The following SFSWAP variants were observed in gnomAD, a reference collection of about 807,000 sequenced individuals.
SFSWAP encodes splicing factor, suppressor of white-apricot homolog.
Under a neutral mutation model 100.7 loss-of-function variants are expected in SFSWAP, and 17 were observed. The ratio of observed to expected loss-of-function variants is 0.17; its 90% CI spans 0.12 to 0.25. SFSWAP has a LOEUF of 0.25. Among genes scored for constraint, SFSWAP ranks in the 10% least tolerant of loss-of-function variants. The probability of loss-of-function intolerance (pLI) is 1.00; values close to 1 mark genes in which losing one functional copy is unlikely to be tolerated. For synonymous variants in SFSWAP, 504 were observed against 510.1 expected (o/e 0.99, Z 0.16); for missense variants, 1,005 against 1,262.6 (o/e 0.80, Z 3.09).
intron 15 of SFSWAP, among the ~76,000 whole-genome samples, chr12:131,789,782 T>C (rs1284789216): frequency 6.6e-6 from 1 of 152,188 alleles, no homozygotes; most frequent in Admixed American, 6.5e-5. Flanking sequence ...CGTGGCTGGG[T>C]TCAGGGCAAA....
Position 131,754,301 on chromosome 12 carries a change from C to G in SFSWAP, c.1323-67C>G, listed in dbSNP as rs141463991. 4.1e-4 allele frequency: 547 copies of G among 1,350,188 alleles called. 5 individuals are homozygous for G. The East Asian group carries it at 0.014, about 36-fold the overall frequency. 83.6% of individuals were successfully genotyped at this position (1,350,188 alleles called of 1,614,324 possible). Reference sequence around the variant, plus strand: ...GGGCATCTGAGGCGGTGAGGACCCCCGAGCAGCCAGGACTGAGCTTGGCGA... The same window carrying G: ...GGGCATCTGAGGCGGTGAGGACCCCGGAGCAGCCAGGACTGAGCTTGGCGA... On this transcript the variant is annotated intron_variant, in intron 8 of 17. Coordinates refer to ENST00000261674, the MANE Select transcript of SFSWAP (RefSeq NM_004592.4).
At position 131,711,104 on chromosome 12, in the gene SFSWAP, T is replaced by A; in HGVS notation, c.-126T>A. The A allele has an allele frequency of 2.7e-6, 2 of 747,294 alleles. No individual in the cohort carries two copies. Among genetic ancestry groups the A allele is most frequent in the Non-Finnish European group, 4.2e-6 (2 of 475,390 alleles). 46.3% of individuals were successfully genotyped at this position (747,294 alleles called of 1,614,324 possible). On this transcript the variant is annotated 5_prime_UTR_variant, in exon 1 of 18. Coordinates refer to ENST00000261674, the MANE Select transcript of SFSWAP (RefSeq NM_004592.4). This position sits in a 1 kb window ranked among gnomAD's most constrained non-coding sequence, Gnocchi z 4.9. ...GCCCCTCCACCATTTTGTGGCCCGC[T>A]ATGGCGGCGGTGTTGAGGTTGGGTA...
chr12:131,740,957 CTT>C (rs1354791623), intron 7 of SFSWAP, among the ~76,000 whole-genome samples: 1 of 96,072 alleles, frequency 1.0e-5, no homozygotes, highest in South Asian at 3.7e-4. Flanking sequence ...CTTTTTTTTT[CTT>C]TTTTTTCTTT....
Position 131,764,536 on chromosome 12 carries a change from G to T in SFSWAP, c.1801G>T (p.Asp601Tyr). The change falls in exon 12 of 18, where the codon GAT becomes TAT. Residue 601 changes from aspartate to tyrosine, a missense_variant. This residue lies in a region of SFSWAP where 82 missense variants were observed against 131.0 expected (regional missense o/e 0.63). Coordinates refer to ENST00000261674, the MANE Select transcript of SFSWAP (RefSeq NM_004592.4). ...CCTGGAAAAAAATCGTGTTAAGCTA[G>T]ATGATGACAGTGATGATGATGAAGA... ...LPLEKNRVKLDDDSDDDEESK... is the reference protein window; with the variant it reads ...LPLEKNRVKLYDDSDDDEESK... 1 of 1,614,200 alleles carries T rather than the reference G, an allele frequency of 6.2e-7. No homozygotes were observed. The highest frequency in any genetic ancestry group is 1.1e-5 in the South Asian group (1 of 91,086).
chr12:131,754,037 C>T (rs750028096), intron 8 of SFSWAP, among the ~76,000 whole-genome samples: 24 of 152,050 alleles, frequency 1.6e-4, no homozygotes, highest in East Asian at 3.8e-4. Context: ...CCATGCTTGC[C>T]GACTTGTTTT....
chr12:131,731,403 GGT>G (rs1879500076), intron 7 of SFSWAP, among the ~76,000 whole-genome samples: 1 of 152,164 alleles, frequency 6.6e-6, no homozygotes, highest in Non-Finnish European at 1.5e-5. Context: ...AAGTTTCGTG[GGT>G]GAAAGTCCCT....
chr12:131,761,751 A>C (rs948452074), intron 11 of SFSWAP, among the ~76,000 whole-genome samples: 1 of 152,190 alleles, frequency 6.6e-6, no homozygotes, highest in Admixed American at 6.5e-5. Flanking sequence ...TTCCACATAA[A>C]GAAGCAATTC....
Position 131,714,797 on chromosome 12 carries a change from G to T in SFSWAP, c.389-25G>T. 1 of 1,602,664 alleles carries T rather than the reference G, an allele frequency of 6.2e-7. No homozygotes were observed. The highest frequency in any genetic ancestry group is 8.5e-7 in the Non-Finnish European group (1 of 1,170,942). On this transcript the variant is annotated intron_variant, in intron 2 of 17. Coordinates refer to ENST00000261674, the MANE Select transcript of SFSWAP (RefSeq NM_004592.4). The surrounding 1 kb of genome is among the most constrained non-coding windows in gnomAD (Gnocchi z 6.0). Reference sequence around the variant, plus strand: ...TTCTCAGTAATTTTCTATTTTTGTTGATAAAATTCTCATTTTTATTCAAGA... The same window carrying T: ...TTCTCAGTAATTTTCTATTTTTGTTTATAAAATTCTCATTTTTATTCAAGA...
intron 7 of SFSWAP, among the ~76,000 whole-genome samples, chr12:131,746,338 A>G (rs897030574): frequency 6.6e-6 from 1 of 152,100 alleles, no homozygotes; most frequent in African/African-American, 2.4e-5. Flanking sequence ...GTGTAGACTC[A>G]TGTAATGGTG....
At position 131,719,170 on chromosome 12, in the gene SFSWAP, C is replaced by A. The variant is rs368299627; in HGVS notation, c.521-284C>A. ...TTGGTGTCTGCAAGGGTCCTAGAAC[C>A]AGTCCCCTGCGTATACCAAGGGAAT... On this transcript the variant is annotated intron_variant, in intron 3 of 17. Coordinates refer to ENST00000261674, the MANE Select transcript of SFSWAP (RefSeq NM_004592.4). 1.4e-4 allele frequency among the ~76,000 whole-genome samples: 22 copies of A among 151,992 alleles called. 1 individual carries two copies. In the East Asian group the frequency reaches 3.7e-3, roughly 25 times the overall value.
At position 131,764,550 on chromosome 12, in the gene SFSWAP, T is replaced by C; in HGVS notation, c.1815T>C (p.Asp605=). The change falls in exon 12 of 18, where the codon GAT becomes GAC. Residue 605 remains aspartate (D), a synonymous_variant. Transcript: ENST00000261674. ...GTGTTAAGCTAGATGATGACAGTGATGATGATGAAGAAAGCAAAGAAGGCC... is the reference window on the plus strand; with the variant it reads ...GTGTTAAGCTAGATGATGACAGTGACGATGATGAAGAAAGCAAAGAAGGCC... ...KNRVKLDDDS[D]DDEESKEGQE... is the part of the protein sequence containing the mutation. The C allele has an allele frequency of 6.2e-7, 1 of 1,614,132 alleles. No homozygotes were observed. Among genetic ancestry groups the C allele is most frequent in the Non-Finnish European group, 8.5e-7 (1 of 1,180,012 alleles).
intron 7 of SFSWAP, among the ~76,000 whole-genome samples, chr12:131,732,304 A>T (rs929104518): frequency 6.6e-6 from 1 of 152,220 alleles, no homozygotes; most frequent in South Asian, 2.1e-4. Context: ...AGAGCAGCCC[A>T]TGGCTTGGCC....
intron 1 of SFSWAP, chr12:131,713,350 A>G (rs1877568482): frequency 6.6e-6 from 1 of 152,236 alleles, no homozygotes; most frequent in South Asian, 2.1e-4. Flanking sequence ...AAGTGTCTTC[A>G]TGTATGTTAT....
chr12:131,761,903 G>A (rs1389559438), intron 11 of SFSWAP, among the ~76,000 whole-genome samples: 1 of 152,168 alleles, frequency 6.6e-6, no homozygotes, highest in Non-Finnish European at 1.5e-5. Flanking sequence ...CCTGTGGGCT[G>A]TGTGCCATAG....
Position 131,754,412 on chromosome 12 carries a change from T to C in SFSWAP, c.1367T>C (p.Val456Ala), listed in dbSNP as rs1334068885. ...GCCATCATCCCCCCGCCCCCCGACG[T>C]CCAGCCCGTGATTGACAAGCTGGCC... is the stretch of plus-strand genomic sequence containing the variant. ...VAAIIPPPPD[V>A]QPVIDKLAEY... is the part of the protein sequence containing the mutation. The change falls in exon 9 of 18, where the codon GTC becomes GCC. Residue 456 changes from valine (V) to alanine (A), a missense_variant. By Grantham distance (64) the Val-to-Ala change is moderately conservative (BLOSUM62 0). Transcript: ENST00000261674. The C allele has an allele frequency of 7.0e-7, 1 of 1,418,644 alleles. No homozygotes were observed. 87.9% of individuals were successfully genotyped at this position (1,418,644 alleles called of 1,614,324 possible). A position where few individuals can be genotyped will look rare whatever the true frequency, so the allele number is the denominator to read the frequency against.
At chr12:131,746,735 T>C (rs1881135129) in intron 7 of SFSWAP, among the ~76,000 whole-genome samples, 1 of 152,184 alleles carries the variant, frequency 6.6e-6, no homozygotes, top group Non-Finnish European at 1.5e-5. Flanking sequence ...CACCTAGAAT[T>C]GCGGGGTGGG....
intron 7 of SFSWAP, among the ~76,000 whole-genome samples, chr12:131,745,416 GAA>G (rs1301683351): frequency 1.3e-5 from 2 of 152,312 alleles, no homozygotes; most frequent in East Asian, 3.9e-4. Context: ...TGCAGAAGGA[GAA>G]AGAGTTTCTC....
rs913847391 is a variant in SFSWAP at position 131,734,227 on chromosome 12, T to C, written c.1081+5799T>C. Among the ~76,000 whole-genome samples the C allele has an allele frequency of 4.6e-5, 7 of 152,220 alleles. No individual in the cohort carries two copies. Among genetic ancestry groups the C allele is most frequent in the African/African-American group, 1.7e-4 (7 of 41,458 alleles). On this transcript the variant is annotated intron_variant, in intron 7 of 17. Transcript: ENST00000261674. This position sits in a 1 kb window ranked among gnomAD's most constrained non-coding sequence, Gnocchi z 4.9. ...ACTTGAAGGCTGACGTTGGGCTGGG[T>C]GTGGCTCGTACATAGGACAGGGCCC... is the stretch of plus-strand genomic sequence containing the variant.
At chr12:131,789,084 C>T (rs1170338725) in intron 15 of SFSWAP, among the ~76,000 whole-genome samples, 5 of 152,150 alleles carry the variant, frequency 3.3e-5, no homozygotes, top group Non-Finnish European at 7.3e-5. Flanking sequence ...GGGTTCAACT[C>T]GTCCTCCCAC....
Sources: gnomAD v4.1 joint callset for allele counts (sites outside exome capture counted in the v4.1 genomes callset) on GRCh38, gnomAD v4.1.1 for gene constraint, gnomAD v4.1.1 regional missense constraint, Gnocchi (gnomAD v3.1) non-coding constraint, MANE v1.5 for transcripts, NCBI Gene and HGNC (gene_info 2026-07-23, HGNC 2026-07-21) for gene names.